PTCHD4: variants seen among roughly 807,000 people sequenced by gnomAD.
PTCHD4 encodes the protein patched domain-containing protein 4.
PTCHD4 carries 33 observed loss-of-function variants against 58.1 expected under a neutral mutation model. That is an observed-to-expected ratio of 0.57 (90% CI 0.43 to 0.76). The LOEUF is 0.76. Among genes scored for constraint, PTCHD4 ranks in the 30% least tolerant of loss-of-function variants. PTCHD4 has a pLI of 0.00. For synonymous variants in PTCHD4, 478 were observed against 409.6 expected, an observed-to-expected ratio of 1.17 and a Z score of -2.02; for missense variants, 1,058 against 1,027.1, an observed-to-expected ratio of 1.03 and a Z score of -0.41.
chr6:47,943,145 T>C (rs1766296174), intron 4 of PTCHD4, among the ~76,000 whole-genome samples: 1 of 152,176 alleles, frequency 6.6e-6, no homozygotes, highest in African/African-American at 2.4e-5. Context: ...AATCTCAGAT[T>C]AAGCACTGAG....
At chr6:48,055,820 T>C (rs1764388440) in intron 3 of PTCHD4, among the ~76,000 whole-genome samples, 1 of 152,200 alleles carries the variant, frequency 6.6e-6, no homozygotes, top group African/African-American at 2.4e-5. Flanking sequence ...GCCTCATGCC[T>C]TGTTATGCAG....
chr6:47,959,040 C>T (rs1467524022), intron 4 of PTCHD4, among the ~76,000 whole-genome samples: 2 of 152,120 alleles, frequency 1.3e-5, no homozygotes. Flanking sequence ...TGGTAAAATT[C>T]ACAATTTCTA....
chr6:48,067,916 C>T (rs1291953585), intron 3 of PTCHD4, among the ~76,000 whole-genome samples: 2 of 151,866 alleles, frequency 1.3e-5, no homozygotes, highest in Non-Finnish European at 2.9e-5. Flanking sequence ...CACTCAGTTG[C>T]CCATCTTTTC....
chr6:48,000,109 G>C (rs570297146), intron 4 of PTCHD4, among the ~76,000 whole-genome samples: 63 of 152,244 alleles, frequency 4.1e-4, no homozygotes, highest in Non-Finnish European at 7.9e-4. Context: ...AAACTCTGAG[G>C]ATTCATGGTT....
At chr6:48,026,285 T>C (rs1010927432) in intron 3 of PTCHD4, among the ~76,000 whole-genome samples, 1 of 152,170 alleles carries the variant, frequency 6.6e-6, no homozygotes, top group Non-Finnish European at 1.5e-5. Context: ...CTATATTTGA[T>C]ACTGGCTTCC....
In PTCHD4 at chr6:48,069,234, T is replaced by A. The variant is rs1258960827; in HGVS notation, c.-277A>T. On this transcript the variant is annotated 5_prime_UTR_variant, in exon 2 of 5. Transcript: ENST00000339488. Reference sequence around the variant, plus strand: ...AAGCTTTTTTCTTTTTTTAAGATGCTGACAGTTATTTTTAGAGTTTTGTGT... The same window carrying A: ...AAGCTTTTTTCTTTTTTTAAGATGCAGACAGTTATTTTTAGAGTTTTGTGT... 4.0e-5 allele frequency among the ~76,000 whole-genome samples: 6 copies of A among 151,332 alleles called. No individual in the cohort carries two copies. Among genetic ancestry groups the A allele is most frequent in the Non-Finnish European group, 8.8e-5 (6 of 67,858 alleles).
At chr6:48,051,423 T>C (rs1764230764) in intron 3 of PTCHD4, among the ~76,000 whole-genome samples, 1 of 151,980 alleles carries the variant, frequency 6.6e-6, no homozygotes, top group Admixed American at 6.6e-5. Flanking sequence ...ACTCTTCACT[T>C]TTGCTTGTTA....
intron 3 of PTCHD4, among the ~76,000 whole-genome samples, chr6:48,035,866 C>T (rs1407303595): frequency 6.6e-6 from 1 of 152,124 alleles, no homozygotes; most frequent in African/African-American, 2.4e-5. Flanking sequence ...ACCCGTCCTG[C>T]TCCTTGGCTA....
chr6:47,973,734 A>AT (rs1310972525), intron 4 of PTCHD4, among the ~76,000 whole-genome samples: 8 of 152,332 alleles, frequency 5.3e-5, no homozygotes, highest in Middle Eastern at 3.4e-3. Flanking sequence ...GTTGCCAACG[A>AT]TGAAGACCAA....
chr6:48,067,180 C>T (rs886263459), intron 3 of PTCHD4, among the ~76,000 whole-genome samples: 3 of 152,230 alleles, frequency 2.0e-5, no homozygotes, highest in African/African-American at 7.2e-5. Flanking sequence ...GTCCCTGAAA[C>T]TTCAGTCACC....
intron 4 of PTCHD4, among the ~76,000 whole-genome samples, chr6:47,908,668 G>A (rs975608553): frequency 2.6e-5 from 4 of 152,082 alleles, no homozygotes; most frequent in African/African-American, 7.2e-5. Context: ...TCGAGACCTC[G>A]TCATGGTTTC....
At chr6:47,911,153 C>T (rs919902119) in intron 4 of PTCHD4, among the ~76,000 whole-genome samples, 2 of 152,138 alleles carry the variant, frequency 1.3e-5, no homozygotes, top group Non-Finnish European at 2.9e-5. Flanking sequence ...CTCTGGTCTT[C>T]AGCTAGCTTT....
At chr6:48,075,129 A>G (rs1242784728) in intron 1 of PTCHD4, among the ~76,000 whole-genome samples, 1 of 152,208 alleles carries the variant, frequency 6.6e-6, no homozygotes, top group Admixed American at 6.5e-5. Context: ...AAGTTTAGAT[A>G]GAATTTGCAT....
intron 4 of PTCHD4, among the ~76,000 whole-genome samples, chr6:47,913,530 G>C (rs905556270): frequency 2.6e-5 from 4 of 152,048 alleles, no homozygotes; most frequent in African/African-American, 7.2e-5. Context: ...TGCACTTTCA[G>C]GGCAAACTAG....
At position 48,065,120 on chromosome 6, in the gene PTCHD4, C is replaced by T. The variant is rs181351395; in HGVS notation, c.417+3110G>A. Among the ~76,000 whole-genome samples, 129 of 152,256 alleles carry T rather than the reference C, an allele frequency of 8.5e-4. 1 individual carries two copies. The highest frequency in any genetic ancestry group is 3.0e-3 in the African/African-American group (123 of 41,554). On this transcript the variant is annotated intron_variant, in intron 3 of 4. Coordinates refer to ENST00000339488, the MANE Select transcript of PTCHD4 (RefSeq NM_001384253.1). The stretch of plus-strand genomic sequence containing the variant: ...TCTGTGTCCAGGACTCCCTGGGTGT[C>T]TTAATAATATTTGGAAGATGACCTT...
At chr6:47,935,207 G>A (rs1034351785) in intron 4 of PTCHD4, among the ~76,000 whole-genome samples, 6 of 151,960 alleles carry the variant, frequency 3.9e-5, no homozygotes, top group African/African-American at 9.7e-5. Context: ...CACTATATCC[G>A]ATTTTGTTCT....
intron 4 of PTCHD4, among the ~76,000 whole-genome samples, chr6:47,937,664 T>C (rs1324346063): frequency 6.6e-6 from 1 of 152,148 alleles, no homozygotes; most frequent in Non-Finnish European, 1.5e-5. Flanking sequence ...TGTCAGCATA[T>C]ATTTGGTATT....
At chr6:48,083,994 G>C (rs145572700) in intron 1 of PTCHD4, among the ~76,000 whole-genome samples, 1 of 152,142 alleles carries the variant, frequency 6.6e-6, no homozygotes, top group Non-Finnish European at 1.5e-5. Flanking sequence ...TAATAAATGG[G>C]AGTTGTAAGC....
chr6:48,077,427 A>G (rs1026554511), intron 1 of PTCHD4, among the ~76,000 whole-genome samples: 8 of 152,190 alleles, frequency 5.3e-5, no homozygotes, highest in Admixed American at 5.2e-4. Context: ...TCTTAGGTAG[A>G]TCTTTGGATA....
Sources: allele counts gnomAD v4.1 joint callset (sites outside exome capture counted in the v4.1 genomes callset), GRCh38; gene constraint gnomAD v4.1.1; transcripts MANE v1.5; gene names NCBI Gene and HGNC (gene_info 2026-07-23, HGNC 2026-07-21).